MIA2: variants seen among roughly 807,000 people sequenced by gnomAD.
The protein encoded by MIA2 is MIA SH3 domain ER export factor 2.
A neutral mutation model predicts 167.8 loss-of-function variants in MIA2; 127 were observed. That is an observed-to-expected ratio of 0.76 (90% CI 0.66 to 0.88). The LOEUF is 0.88. MIA2 is among the 40% of genes least tolerant of loss of function. The probability of loss-of-function intolerance (pLI) is 0.00; values close to 1 mark genes in which losing one functional copy is unlikely to be tolerated. For missense variants in MIA2, 1,690 were observed against 1,624.7 expected (o/e 1.04, Z -0.69); for synonymous variants, 552 against 541.9 (o/e 1.02, Z -0.26).
intron 25 of MIA2, among the ~76,000 whole-genome samples, chr14:39,335,025 G>C (rs1406069688): frequency 6.6e-6 from 1 of 152,112 alleles, no homozygotes; most frequent in Non-Finnish European, 1.5e-5. Flanking sequence ...TGAGGTAGGA[G>C]GATTGCTTGA....
At chr14:39,333,546 T>G (rs1164352977) in intron 25 of MIA2, among the ~76,000 whole-genome samples, 1 of 152,156 alleles carries the variant, frequency 6.6e-6, no homozygotes, top group Non-Finnish European at 1.5e-5. Flanking sequence ...TGTGTACTTG[T>G]TCTTCAGGCA....
chr14:39,383,085 G>A (rs1257559411), intron 23 of MIA2, among the ~76,000 whole-genome samples: 6 of 149,232 alleles, frequency 4.0e-5, no homozygotes, highest in Non-Finnish European at 8.9e-5. Flanking sequence ...ACTATTACCT[G>A]TAAATCATGA....
At chr14:39,261,813 C>T (rs1452983594) in intron 6 of MIA2, among the ~76,000 whole-genome samples, 1 of 152,140 alleles carries the variant, frequency 6.6e-6, no homozygotes, top group African/African-American at 2.4e-5. Flanking sequence ...TGTTCATATC[C>T]TTCACCCACG....
At chr14:39,277,992 A>T (rs2058425006) in intron 7 of MIA2, among the ~76,000 whole-genome samples, 1 of 151,104 alleles carries the variant, frequency 6.6e-6, no homozygotes, top group Non-Finnish European at 1.5e-5. Flanking sequence ...ATTTTATTTG[A>T]GACAGGATTT....
chr14:39,352,611 C>T (rs916442435), downstream of MIA2, among the ~76,000 whole-genome samples: 1 of 151,938 alleles, frequency 6.6e-6, no homozygotes, highest in Non-Finnish European at 1.5e-5. Flanking sequence ...CATGGATGCT[C>T]AAGTCTCTTA....
chr14:39,257,179 G>A (rs912941099), intron 6 of MIA2, among the ~76,000 whole-genome samples: 6 of 152,184 alleles, frequency 3.9e-5, no homozygotes, highest in Non-Finnish European at 8.8e-5. Context: ...AATATTGACA[G>A]TGGGGCATCA....
intron 9 of MIA2, among the ~76,000 whole-genome samples, chr14:39,280,819 A>G (rs548735686): frequency 1.1e-4 from 17 of 150,490 alleles, no homozygotes; most frequent in African/African-American, 3.9e-4. Context: ...CAGTGTTACT[A>G]TGATTTGTCT....
chr14:39,371,501 T>C (rs1200585192), intron 23 of MIA2, among the ~76,000 whole-genome samples: 10 of 152,246 alleles, frequency 6.6e-5, no homozygotes, highest in Admixed American at 6.5e-4. Flanking sequence ...TGTGTCTATT[T>C]AGACGAGAAT....
At chr14:39,352,331 A>T (rs927914322), downstream of MIA2, among the ~76,000 whole-genome samples, 7 of 151,818 alleles carry the variant, frequency 4.6e-5, no homozygotes, top group African/African-American at 1.7e-4. Context: ...TTCCATGTGA[A>T]TCATCTATCT....
chr14:39,338,551 T>A (rs903257687), intron 25 of MIA2, among the ~76,000 whole-genome samples: 2 of 152,154 alleles, frequency 1.3e-5, no homozygotes, highest in African/African-American at 4.8e-5. Flanking sequence ...GAAAAAATGT[T>A]CTTGAATAAT....
intron 23 of MIA2, chr14:39,385,335 G>T: frequency 1.3e-6 from 1 of 778,458 alleles, no homozygotes; most frequent in Non-Finnish European, 2.2e-6. Flanking sequence ...AAAAAAAAAA[G>T]TTCAGGTTAT....
intron 6 of MIA2, among the ~76,000 whole-genome samples, chr14:39,268,003 A>G (rs1339151276): frequency 1.3e-5 from 2 of 150,696 alleles, no homozygotes; most frequent in Non-Finnish European, 3.0e-5. Flanking sequence ...TTGGTAAAGA[A>G]TGAATGCCCT....
At chr14:39,382,308 T>C (rs1477507117) in intron 23 of MIA2, among the ~76,000 whole-genome samples, 1 of 152,200 alleles carries the variant, frequency 6.6e-6, no homozygotes, top group African/African-American at 2.4e-5. Flanking sequence ...CCCAAGCTGG[T>C]ACCAAGCATC....
At chr14:39,292,695 C>G in intron 10 of MIA2, 1 of 315,998 alleles carries the variant, frequency 3.2e-6, no homozygotes, top group South Asian at 2.6e-5. Flanking sequence ...TGAAGGATCA[C>G]AAATATCAGA....
At chr14:39,276,833 C>A in intron 6 of MIA2, 101 bp from the exon 7 acceptor site, 1 of 1,272,734 alleles carries the variant, frequency 7.9e-7, no homozygotes, top group South Asian at 1.3e-5. Context: ...GTTAGTCTGG[C>A]AGCCCATTTT....
At chr14:39,255,398 C>T (rs905058450) in intron 6 of MIA2, among the ~76,000 whole-genome samples, 59 of 152,262 alleles carry the variant, frequency 3.9e-4, no homozygotes, top group African/African-American at 1.3e-3. Context: ...ATCCCAGCTA[C>T]TTGAGAGGCT....
intron 6 of MIA2, among the ~76,000 whole-genome samples, chr14:39,263,818 G>C (rs1398980519): frequency 6.6e-6 from 1 of 151,922 alleles, no homozygotes; most frequent in Non-Finnish European, 1.5e-5. Context: ...TTTTTTAGTA[G>C]AGACGGGGTT....
At chr14:39,365,650 CCTATCTATCTATCTATCTATCTATCTAT>C (rs3065047) in intron 23 of MIA2, among the ~76,000 whole-genome samples, 10 of 147,986 alleles carry the variant, frequency 6.8e-5, no homozygotes, top group South Asian at 2.2e-4. Context: ...TTTAAAAATA[CCTATCTATCTATCTATCTATCTATCTAT>C]CTATCTATCT....
chr14:39,381,428 C>T (rs2075159006), intron 23 of MIA2, among the ~76,000 whole-genome samples: 2 of 152,108 alleles, frequency 1.3e-5, no homozygotes, highest in South Asian at 2.1e-4. Flanking sequence ...ATCTCATTAC[C>T]ATATTTTAGC....
Sources: allele counts gnomAD v4.1 joint callset (sites outside exome capture counted in the v4.1 genomes callset), GRCh38; gene constraint gnomAD v4.1.1; transcripts MANE v1.5; gene names NCBI Gene and HGNC (gene_info 2026-07-23, HGNC 2026-07-21).